EYS: variants seen among roughly 807,000 people sequenced by gnomAD.
EYS encodes the protein EGF-like photoreceptor maintenance factor.
Under a neutral mutation model 282.1 loss-of-function variants are expected in EYS, and 250 were observed. The observed-to-expected ratio is 0.89, with a 90% CI of 0.80 to 0.98. EYS has a LOEUF of 0.98. Among genes scored for constraint, EYS ranks in the 50% least tolerant of loss-of-function variants. The probability of loss-of-function intolerance (pLI) is 0.00; values close to 1 mark genes in which losing one functional copy is unlikely to be tolerated. For synonymous variants in EYS, 1,355 were observed against 1,282.9 expected, an observed-to-expected ratio of 1.06 and a Z score of -1.20; for missense variants, 4,016 against 3,709.0, an observed-to-expected ratio of 1.08 and a Z score of -2.15.
At chr6:64,864,650 C>G (rs1451062780) in intron 19 of EYS, among the ~76,000 whole-genome samples, 1 of 151,186 alleles carries the variant, frequency 6.6e-6, no homozygotes, top group Non-Finnish European at 1.5e-5. Context: ...TTTCAAAGTG[C>G]TGGGATTACA....
At position 65,447,444 on chromosome 6, in the gene EYS, T is replaced by A. The variant is rs185307002; in HGVS notation, c.863-42077A>T. On this transcript the variant is annotated intron_variant, in intron 5 of 42. Coordinates refer to ENST00000503581, the MANE Select transcript of EYS (RefSeq NM_001142800.2). The stretch of plus-strand genomic sequence containing the variant: ...GTACTGAGTCATAAATCTTTCATAA[T>A]TTTTTTAGTGTATATGTGTGATATT... Among the ~76,000 whole-genome samples, 793 of 149,486 alleles carry A rather than the reference T, an allele frequency of 5.3e-3. 3 individuals are homozygous for A. The highest frequency in any genetic ancestry group is 9.2e-3 in the Non-Finnish European group (621 of 67,440).
At chr6:65,225,584 G>A (rs1335765419) in intron 12 of EYS, among the ~76,000 whole-genome samples, 1 of 151,502 alleles carries the variant, frequency 6.6e-6, no homozygotes, top group Non-Finnish European at 1.5e-5. Flanking sequence ...CATGGTGGTG[G>A]GCATCTGTAA....
chr6:64,522,330 T>C (rs1777770437), intron 26 of EYS, among the ~76,000 whole-genome samples: 1 of 151,734 alleles, frequency 6.6e-6, no homozygotes, highest in Non-Finnish European at 1.5e-5. Flanking sequence ...CAGGGAATTA[T>C]GAATTGAATA....
intron 30 of EYS, among the ~76,000 whole-genome samples, chr6:64,250,428 A>G (rs1351304213): frequency 6.6e-6 from 1 of 152,228 alleles, no homozygotes; most frequent in Non-Finnish European, 1.5e-5. Context: ...CTAAAGAGAA[A>G]ACCTTACAGC....
At chr6:64,647,987 A>C (rs1220190850) in intron 22 of EYS, among the ~76,000 whole-genome samples, 1 of 152,232 alleles carries the variant, frequency 6.6e-6, no homozygotes, top group African/African-American at 2.4e-5. Context: ...TGATGTGGTC[A>C]TGCCAATCGC....
At chr6:64,493,121 G>A (rs950979113) in intron 26 of EYS, among the ~76,000 whole-genome samples, 1 of 151,394 alleles carries the variant, frequency 6.6e-6, no homozygotes, top group African/African-American at 2.4e-5. Flanking sequence ...AAAAAAAGTA[G>A]GAGAGGCATT....
intron 31 of EYS, among the ~76,000 whole-genome samples, chr6:64,206,295 C>T (rs1765606445): frequency 6.6e-6 from 1 of 152,114 alleles, no homozygotes; most frequent in Non-Finnish European, 1.5e-5. Context: ...ACATTTGACT[C>T]TTCACGTTTT....
At chr6:64,802,023 C>CTTTTTTTTTTTTT (rs1199002175) in intron 22 of EYS, among the ~76,000 whole-genome samples, 23 of 70,796 alleles carry the variant, frequency 3.2e-4, no homozygotes, top group South Asian at 6.2e-4. Flanking sequence ...ATTTCTTTTT[C>CTTTTTTTTTTTTT]TTTTTTTTTC....
intron 14 of EYS, among the ~76,000 whole-genome samples, chr6:64,954,970 A>G (rs1769644800): frequency 1.3e-5 from 2 of 152,282 alleles, no homozygotes; most frequent in South Asian, 2.1e-4. Context: ...GGAGTTCAAG[A>G]CTAGCCTGGC....
At chr6:64,183,225 C>T (rs1182844887) in intron 31 of EYS, among the ~76,000 whole-genome samples, 5 of 152,108 alleles carry the variant, frequency 3.3e-5, no homozygotes, top group East Asian at 1.9e-4. Flanking sequence ...CCCACACATG[C>T]GGAACTGTGA....
At chr6:64,332,415 C>T (rs1000070135) in intron 29 of EYS, among the ~76,000 whole-genome samples, 2 of 152,182 alleles carry the variant, frequency 1.3e-5, no homozygotes, top group Non-Finnish European at 2.9e-5. Context: ...CAGTATATCC[C>T]TTCCAACCTG....
chr6:64,036,586 T>C (rs1359754699), intron 33 of EYS, among the ~76,000 whole-genome samples: 1 of 152,076 alleles, frequency 6.6e-6, no homozygotes, highest in African/African-American at 2.4e-5. Context: ...ATCACGCAGG[T>C]GAACAATGAG....
intron 5 of EYS, among the ~76,000 whole-genome samples, chr6:65,486,811 T>C (rs1374095662): frequency 6.6e-6 from 1 of 152,158 alleles, no homozygotes; most frequent in African/African-American, 2.4e-5. Flanking sequence ...TCTTGGAAAA[T>C]GTTATCTAAC....
chr6:65,077,275 T>C (rs1023616170), intron 12 of EYS, among the ~76,000 whole-genome samples: 1 of 152,116 alleles, frequency 6.6e-6, no homozygotes, highest in South Asian at 2.1e-4. Context: ...ATGAGGTACA[T>C]GTTTTTACTC....
chr6:64,169,447 T>TTTTTTTTTTTTTTTAA (rs1764411208), intron 31 of EYS, among the ~76,000 whole-genome samples: 1 of 137,460 alleles, frequency 7.3e-6, no homozygotes, highest in African/African-American at 2.6e-5. Flanking sequence ...TTTTTTTTTT[T>TTTTTTTTTTTTTTTAA]ACAAAAAGGA....
At chr6:65,361,398 A>G (rs1396674096) in intron 8 of EYS, among the ~76,000 whole-genome samples, 3 of 152,080 alleles carry the variant, frequency 2.0e-5, no homozygotes, top group African/African-American at 7.2e-5. Context: ...GGATATGTGA[A>G]TGATCAATTT....
At chr6:64,999,179 C>T (rs1771373570) in intron 13 of EYS, among the ~76,000 whole-genome samples, 1 of 151,960 alleles carries the variant, frequency 6.6e-6, no homozygotes, top group African/African-American at 2.4e-5. Flanking sequence ...AGAAGAGAAC[C>T]TAGAGAACTA....
chr6:63,888,501 T>C (rs1773324371), intron 35 of EYS, among the ~76,000 whole-genome samples: 1 of 152,160 alleles, frequency 6.6e-6, no homozygotes, highest in Admixed American at 6.5e-5. Flanking sequence ...GGAAACAAGG[T>C]CTGGAGTGGA....
intron 11 of EYS, among the ~76,000 whole-genome samples, chr6:65,309,349 A>G (rs1031671770): frequency 7.2e-5 from 11 of 152,204 alleles, no homozygotes; most frequent in Non-Finnish European, 1.5e-4. Flanking sequence ...CAGAATTCAA[A>G]ACCAACACTA....
Sources: allele counts gnomAD v4.1 joint callset (sites outside exome capture counted in the v4.1 genomes callset), GRCh38; gene constraint gnomAD v4.1.1; transcripts MANE v1.5; gene names NCBI Gene and HGNC (gene_info 2026-07-23, HGNC 2026-07-21).